CRACR2B: variants seen among roughly 807,000 people sequenced by gnomAD.
The protein encoded by CRACR2B is calcium release activated channel regulator 2B, also known as EF-hand calcium-binding domain-containing protein 4A.
In CRACR2B, 50 loss-of-function variants were observed where a neutral mutation model predicts 46.0. The observed-to-expected ratio is 1.09, with a 90% CI of 0.87 to 1.38. CRACR2B has a LOEUF of 1.38. CRACR2B is among the 40% of genes most tolerant of loss of function. CRACR2B has a pLI of 0.00. For synonymous variants in CRACR2B, 277 were observed against 239.6 expected (o/e 1.16, Z -1.44); for missense variants, 667 against 535.0 (o/e 1.25, Z -2.43).
rs747450805 is a variant in CRACR2B at position 828,705 on chromosome 11, A to G, written c.98A>G (p.Gln33Arg). 1.2e-6 allele frequency: 2 copies of G among 1,612,838 alleles called. No individual in the cohort carries two copies. Among genetic ancestry groups the G allele is most frequent in the Admixed American group, 1.7e-5 (1 of 59,768 alleles). ...SAGPRAAILEQAEELFLLCDK... is the reference protein window; with the variant it reads ...SAGPRAAILERAEELFLLCDK... The stretch of plus-strand genomic sequence containing the variant: ...GGGCCGCGGGCTGCAATACTGGAGC[A>G]GGCTGAGGAGCTGTTTCTGCTGTGT... The change falls in exon 1 of 9, where the codon CAG becomes CGG. Residue 33 changes from glutamine to arginine, a missense_variant. Gln to Arg is a conservative substitution (Grantham distance 43, BLOSUM62 1). Coordinates refer to ENST00000525077, the MANE Select transcript of CRACR2B (RefSeq NM_001286606.2).
chr11:830,567 CTT>C (rs1846323821), intron 5 of CRACR2B, 52 bp from the exon 6 acceptor site: 1 of 1,548,326 alleles, frequency 6.5e-7, no homozygotes. Flanking sequence ...CCGTGTACCT[CTT>C]TTGCATGGCC....
chr11:831,325 T>A, intron 8 of CRACR2B, 30 bp downstream of exon 8: 1 of 1,587,766 alleles, frequency 6.3e-7, no homozygotes, highest in Non-Finnish European at 8.5e-7. Flanking sequence ...CGAGAGGGAA[T>A]GGGCTCAGCG....
In CRACR2B at chr11:830,721, C is replaced by T. The variant is rs1846339483; in HGVS notation, c.786+8C>T. 2.0e-6 allele frequency: 3 copies of T among 1,526,144 alleles called. No homozygotes were observed. Among genetic ancestry groups the T allele is most frequent in the Non-Finnish European group, 1.8e-6 (2 of 1,138,370 alleles). 94.5% of individuals were successfully genotyped at this position (1,526,144 alleles called of 1,614,324 possible). On this transcript the variant is annotated splice_region_variant and intron_variant, in intron 6 of 8. Coordinates refer to ENST00000525077, the MANE Select transcript of CRACR2B (RefSeq NM_001286606.2). ...GGCCTGCGGCAGCGGGAGGTGAGCA[C>T]CCGGCCCCTGCCCTGTCCCCACGGT...
intron 8 of CRACR2B, 98 bp downstream of exon 8, chr11:831,393 G>T (rs1369165741): frequency 3.3e-6 from 5 of 1,500,150 alleles, no homozygotes; most frequent in Middle Eastern, 1.8e-4. Flanking sequence ...TCCATTGGAA[G>T]TCCTTCCTTA....
At chr11:830,767 G>C (rs1846345303) in intron 6 of CRACR2B, 54 bp downstream of exon 6, 1 of 1,485,772 alleles carries the variant, frequency 6.7e-7, no homozygotes, top group African/African-American at 1.4e-5. Context: ...CTCTCCCCCT[G>C]TGCCTTAGCG....
rs115420766 is a variant in CRACR2B, at chr11:828,050, C to T, written c.-558C>T. 0.016 allele frequency among the ~76,000 whole-genome samples: 2,400 copies of T among 152,146 alleles called. 35 individuals carry two copies. The highest frequency in any genetic ancestry group is 0.035 in the African/African-American group (1,465 of 41,490). Reference sequence around the variant, plus strand: ...GGCTCAGTTGTGGGGAGGGAGGGGCCGGTGGGCAGGAGGGAGAAGTCTGCC... The same window carrying T: ...GGCTCAGTTGTGGGGAGGGAGGGGCTGGTGGGCAGGAGGGAGAAGTCTGCC... On this transcript the variant is annotated 5_prime_UTR_variant, in exon 1 of 9. Transcript: ENST00000525077.
chr11:829,039 C>T, intron 2 of CRACR2B, 76 bp downstream of exon 2: 1 of 1,561,306 alleles, frequency 6.4e-7, no homozygotes. Flanking sequence ...TTGTGGCGCC[C>T]TGAGGGCTGC....
intron 2 of CRACR2B, 69 bp downstream of exon 2, chr11:829,032 T>C: frequency 6.3e-7 from 1 of 1,577,788 alleles, no homozygotes; most frequent in Non-Finnish European, 8.6e-7. Flanking sequence ...CTGGCACTTG[T>C]GGCGCCCTGA....
In CRACR2B at chr11:831,017, A is replaced by G; in HGVS notation, c.938A>G (p.Gln313Arg). The G allele has an allele frequency of 6.5e-7, 1 of 1,534,338 alleles. No individual in the cohort carries two copies. The highest frequency in any genetic ancestry group is 1.2e-5 in the South Asian group (1 of 83,986). Residue 313 changes from glutamine to arginine, a missense_variant, in exon 7 of 9, where the codon CAG becomes CGG. Gln to Arg is a conservative substitution (Grantham distance 43). Coordinates refer to ENST00000525077, the MANE Select transcript of CRACR2B (RefSeq NM_001286606.2). Reference sequence around the variant, plus strand: ...CTGGAGAGCGAAGCACGAGGCCGCCAGGAGCAAACCCAACGGTGCCGTGGG... The same window carrying G: ...CTGGAGAGCGAAGCACGAGGCCGCCGGGAGCAAACCCAACGGTGCCGTGGG... Reference protein sequence around the residue: ...RRLESEARGRQEQTQRDVVAV... With the variant: ...RRLESEARGRREQTQRDVVAV...
chr11:830,088 G>A lies in CRACR2B; in HGVS notation c.561G>A (p.Glu187=). ...DVLIRASACL[E]EAARERDGLE... ...TGATACGCGCGTCGGCCTGCCTGGA[G>A]GAGGCGGCCCGGGAGCGCGACGGCC... The change falls in exon 4 of 9, where the codon GAG becomes GAA. Residue 187 remains glutamate, a synonymous_variant. Coordinates refer to ENST00000525077, the MANE Select transcript of CRACR2B (RefSeq NM_001286606.2). The A allele has an allele frequency of 6.5e-7, 1 of 1,545,388 alleles. No homozygotes were observed. Among genetic ancestry groups the A allele is most frequent in the East Asian group, 2.4e-5 (1 of 41,650 alleles).
chr11:828,817 G>A (rs754151216), intron 1 of CRACR2B, 35 bp from the exon 2 acceptor site: 185 of 1,611,296 alleles, frequency 1.1e-4, no homozygotes, highest in Middle Eastern at 4.9e-4. Flanking sequence ...TGGGTTGACC[G>A]CAGCGGCTCA....
chr11:830,822 A>C (rs1263437149), intron 6 of CRACR2B, 44 bp from the exon 7 acceptor site: 1 of 1,493,136 alleles, frequency 6.7e-7, no homozygotes, highest in Admixed American at 2.1e-5. Context: ...CACCCCGGGG[A>C]AGAGGGGGCG....
At position 828,758 on chromosome 11, in the gene CRACR2B, A is replaced by T. The variant is rs1565099472; in HGVS notation, c.151A>T (p.Lys51Ter). ...CAAGGAGGCTAAGGGCTTCATCACC[A>T]AGCACGACCTGCAGGTGAGTCCCCC... ...CDKEAKGFIT[K>*]HDLQGLQSDL... The change falls in exon 1 of 9, where the codon AAG (lysine) becomes TAG (stop). Residue 51 changes from lysine to a stop codon, truncating the protein, a stop_gained. Transcript: ENST00000525077. LOFTEE classifies it high-confidence loss of function. The T allele has an allele frequency of 6.2e-7, 1 of 1,613,482 alleles. No homozygotes were observed. Among genetic ancestry groups the T allele is most frequent in the Non-Finnish European group, 8.5e-7 (1 of 1,179,868 alleles).
In CRACR2B at chr11:831,660, G is replaced by T; in HGVS notation, c.1151G>T (p.Trp384Leu). The change falls in exon 9 of 9, where the codon TGG becomes TTG. Residue 384 changes from tryptophan to leucine, a missense_variant. Transcript: ENST00000525077. ...CCCACCTGCTGCTGCTGCTGTTGCT[G>T]GGCTCGGCCCCCCAGACGCGGCTCT... Reference protein sequence around the residue: ...PGPTCCCCCCWARPPRRGSGH... With the variant: ...PGPTCCCCCCLARPPRRGSGH... 1 of 1,541,158 alleles carries T rather than the reference G, an allele frequency of 6.5e-7. No individual in the cohort carries two copies. Among genetic ancestry groups the T allele is most frequent in the Non-Finnish European group, 8.7e-7 (1 of 1,149,784 alleles).
In CRACR2B at chr11:829,538, C is replaced by T. The variant is rs746136137; in HGVS notation, c.456C>T (p.Gly152=). ...AGCTGGGGGTGGCCCCGGTCCTGGG[C>T]AAGTGAGTCGGCGCTGGCCCCGCTC... The part of the protein sequence containing the change: ...LEQLGVAPVL[G]KQRAVRTLWA... The change falls in exon 3 of 9, where the codon GGC becomes GGT. Residue 152 remains glycine (G), a splice_region_variant and synonymous_variant. Transcript: ENST00000525077. The T allele has an allele frequency of 5.1e-5, 80 of 1,582,748 alleles. No individual in the cohort carries two copies. Among genetic ancestry groups the T allele is most frequent in the Non-Finnish European group, 6.6e-5 (77 of 1,167,284 alleles).
chr11:830,383 G>A, intron 5 of CRACR2B, 46 bp downstream of exon 5: 1 of 1,536,338 alleles, frequency 6.5e-7, no homozygotes, highest in East Asian at 2.4e-5. Context: ...ATCCCACCTC[G>A]CTGGCCTCCC....
chr11:829,481 AGAG>A lies in CRACR2B; in HGVS notation c.406_408del (p.Glu136del). On this transcript the variant is annotated inframe_deletion, in exon 3 of 9. Coordinates refer to ENST00000525077, the MANE Select transcript of CRACR2B (RefSeq NM_001286606.2). The stretch of plus-strand genomic sequence containing the variant: ...CGGGCTCTCTGGATGAGGAGGAGGA[AGAG>A]GAGGAGCGATTCCACACTGTGCTGG... 5 of 1,608,418 alleles carry A rather than the reference AGAG, an allele frequency of 3.1e-6. No homozygotes were observed. The South Asian group carries it at 4.4e-5, about 14-fold the overall frequency.
In CRACR2B at chr11:830,319, C is replaced by G. The variant is rs1165943688; in HGVS notation, c.675C>G (p.Ser225Arg). 11 of 1,534,612 alleles carry G rather than the reference C, an allele frequency of 7.2e-6. No homozygotes were observed. In the South Asian group the frequency reaches 1.1e-4, roughly 15 times the overall value. ...YEETEQLREQ[S>R]RRPPSQNFAR... is the part of the protein sequence containing the mutation. The stretch of plus-strand genomic sequence containing the variant: ...AGACGGAGCAGCTTCGGGAGCAGAG[C>G]CGGCGCCCGCCGAGTCAGGTGGGCC... Residue 225 changes from serine to arginine, a missense_variant, in exon 5 of 9, where the codon AGC (serine) becomes AGG (arginine). Coordinates refer to ENST00000525077, the MANE Select transcript of CRACR2B (RefSeq NM_001286606.2).
Position 828,511 on chromosome 11 carries a change from A to G in CRACR2B, c.-97A>G. 3 of 1,397,832 alleles carry G rather than the reference A, an allele frequency of 2.1e-6. No homozygotes were observed. The highest frequency in any genetic ancestry group is 2.8e-6 in the Non-Finnish European group (3 of 1,065,836). The allele number at this position is 1,397,832 out of a possible 1,614,324, so 86.6% of individuals were successfully genotyped here. A position where few individuals can be genotyped will look rare whatever the true frequency, so the allele number is the denominator to read the frequency against. ...AGGGAGGGCCCTCGGCTGAGCCTTC[A>G]GACACACTTGCACCCCATCCGCTCC... On this transcript the variant is annotated 5_prime_UTR_variant, in exon 1 of 9. Coordinates refer to ENST00000525077, the MANE Select transcript of CRACR2B (RefSeq NM_001286606.2).
Sources: allele counts gnomAD v4.1 joint callset (sites outside exome capture counted in the v4.1 genomes callset), GRCh38; gene constraint gnomAD v4.1.1; transcripts MANE v1.5; gene names NCBI Gene and HGNC (gene_info 2026-07-23, HGNC 2026-07-21).